The following FTL variants were observed in gnomAD, a reference collection of about 807,000 sequenced individuals.
The protein encoded by FTL is epididymis secretory sperm binding protein.
A neutral mutation model predicts 16.6 loss-of-function variants in FTL; 17 were observed. The ratio of observed to expected loss-of-function variants is 1.02; its 90% CI spans 0.70 to 1.53. The LOEUF (loss-of-function observed/expected upper bound fraction) is 1.53. Among genes scored for constraint, FTL ranks in the 40% most tolerant of loss-of-function variants. FTL has a pLI of 0.00. For missense variants in FTL, 186 were observed against 226.1 expected, an observed-to-expected ratio of 0.82 and a Z score of 1.14; for synonymous variants, 73 against 89.9, an observed-to-expected ratio of 0.81 and a Z score of 1.06.
chr19:48,966,296 G>A lies in FTL; in HGVS notation c.265G>A (p.Glu89Lys), dbSNP rs559631027. 1 of 1,614,054 alleles carries A rather than the reference G, an allele frequency of 6.2e-7. No homozygotes were observed. Among genetic ancestry groups the A allele is most frequent in the South Asian group, 1.1e-5 (1 of 91,062 alleles). Residue 89 changes from glutamate (E) to lysine (K), a missense_variant, in exon 3 of 4, where the codon GAG (glutamate) becomes AAG (lysine). Transcript: ENST00000331825. ...TTCTATATAGAAGCCAGCTGAAGAT[G>A]AGTGGGGTAAAACCCCAGACGCCAT... ...FQDIKKPAED[E>K]WGKTPDAMKA... is the part of the protein sequence containing the mutation.
chr19:48,966,072 G>C lies in FTL; in HGVS notation c.249+156G>C. ...TGGAAATAGAGGCGCACCTCGTGCAGTGCCCACAACACGCGGCAGTCCACA... is the reference window on the plus strand; with the variant it reads ...TGGAAATAGAGGCGCACCTCGTGCACTGCCCACAACACGCGGCAGTCCACA... On this transcript the variant is annotated intron_variant, in intron 2 of 3. Transcript: ENST00000331825. 7.4e-6 allele frequency: 9 copies of C among 1,208,866 alleles called. No individual in the cohort carries two copies. The South Asian group carries it at 1.1e-4, about 15-fold the overall frequency. 74.9% of individuals were successfully genotyped at this position (1,208,866 alleles called of 1,614,324 possible).
rs774704732 is a variant in FTL at position 48,965,374 on chromosome 19, ACT to A, written c.-129_-128del. The A allele has an allele frequency of 1.4e-6, 1 of 714,040 alleles. No homozygotes were observed. Among genetic ancestry groups the A allele is most frequent in the Non-Finnish European group, 2.5e-6 (1 of 394,130 alleles). The allele number at this position is 714,040 out of a possible 1,614,324, so 44.2% of individuals were successfully genotyped here. ...GTGTTTGGACGGAACAGATCCGGGG[ACT>A]CTCTTCCAGCCTCCGACCGCCCTCC... is the stretch of plus-strand genomic sequence containing the variant. On this transcript the variant is annotated 5_prime_UTR_variant, in exon 1 of 4. Transcript: ENST00000331825.
At chr19:48,966,006 T>G (rs1210586735) in intron 2 of FTL, 90 bp downstream of exon 2, 1 of 1,510,766 alleles carries the variant, frequency 6.6e-7, no homozygotes, top group Admixed American at 1.9e-5. Flanking sequence ...CGCGTGGGCT[T>G]CTGGGAGATT....
At chr19:48,965,983 A>G (rs1333953925) in intron 2 of FTL, 67 bp downstream of exon 2, 47 of 1,579,566 alleles carry the variant, frequency 3.0e-5, no homozygotes, top group Non-Finnish European at 4.1e-5. Flanking sequence ...CCTTGATTTG[A>G]GGGCGTAGGT....
At position 48,966,794 on chromosome 19, in the gene FTL, C is replaced by T. The variant is rs1412532063; in HGVS notation, c.*59C>T. The T allele has an allele frequency of 1.3e-6, 2 of 1,565,602 alleles. No individual in the cohort carries two copies. The highest frequency in any genetic ancestry group is 3.4e-5 in the Admixed American group (2 of 59,238). On this transcript the variant is annotated 3_prime_UTR_variant, in exon 4 of 4. Coordinates refer to ENST00000331825, the MANE Select transcript of FTL (RefSeq NM_000146.4). ...CCTTGCAAAGTAATAGGGCTTCTGC[C>T]TAAGCCTCTCCCTCCAGCCAATAGG...
At position 48,966,677 on chromosome 19, in the gene FTL, G is replaced by T. The variant is rs778872543; in HGVS notation, c.470G>T (p.Gly157Val). The T allele has an allele frequency of 3.7e-6, 6 of 1,613,864 alleles. No homozygotes were observed. The highest frequency in any genetic ancestry group is 8.5e-7 in the Non-Finnish European group (1 of 1,180,014). ...CTGACCAACCTCCACAGGCTGGGTGGCCCGGAGGCTGGGCTGGGCGAGTAT... is the reference window on the plus strand; with the variant it reads ...CTGACCAACCTCCACAGGCTGGGTGTCCCGGAGGCTGGGCTGGGCGAGTAT... The part of the protein sequence containing the change: ...DHLTNLHRLG[G>V]PEAGLGEYLF... Residue 157 changes from glycine (G) to valine (V), a missense_variant, in exon 4 of 4, where the codon GGC becomes GTC. Physicochemically the swap from Gly to Val is moderately radical, Grantham distance 109. Coordinates refer to ENST00000331825, the MANE Select transcript of FTL (RefSeq NM_000146.4).
intron 3 of FTL, 46 bp from the exon 4 acceptor site, chr19:48,966,535 CCT>C (rs538584117): frequency 6.6e-5 from 106 of 1,612,578 alleles, no homozygotes; most frequent in South Asian, 5.3e-4. Flanking sequence ...GCTCTCTCCC[CCT>C]CTTTTCCAGG....
chr19:48,966,416 C>T lies in FTL; in HGVS notation c.375+10C>T, dbSNP rs373135198. 5.0e-6 allele frequency: 8 copies of T among 1,613,968 alleles called. No homozygotes were observed. Among genetic ancestry groups the T allele is most frequent in the Middle Eastern group, 1.6e-4 (1 of 6,084 alleles). On this transcript the variant is annotated intron_variant, in intron 3 of 3. Transcript: ENST00000331825. Reference sequence around the variant, plus strand: ...CCGCACGGACCCCCATGTACGTACCCGCTGCATCCATGGCTACCCAACCAT... The same window carrying T: ...CCGCACGGACCCCCATGTACGTACCTGCTGCATCCATGGCTACCCAACCAT...
chr19:48,966,744 T>G lies in FTL; in HGVS notation c.*9T>G. 1 of 1,612,494 alleles carries G rather than the reference T, an allele frequency of 6.2e-7. No individual in the cohort carries two copies. Among genetic ancestry groups the G allele is most frequent in the Non-Finnish European group, 8.5e-7 (1 of 1,179,870 alleles). Reference sequence around the variant, plus strand: ...CTCTCAAGCACGACTAAGAGCCTTCTGAGCCCAGCGACTTCTGAAGGGCCC... The same window carrying G: ...CTCTCAAGCACGACTAAGAGCCTTCGGAGCCCAGCGACTTCTGAAGGGCCC... On this transcript the variant is annotated 3_prime_UTR_variant, in exon 4 of 4. Coordinates refer to ENST00000331825, the MANE Select transcript of FTL (RefSeq NM_000146.4).
In FTL at chr19:48,965,493, T is replaced by C; in HGVS notation, c.-15T>C. The C allele has an allele frequency of 6.3e-7, 1 of 1,597,342 alleles. No individual in the cohort carries two copies. The highest frequency in any genetic ancestry group is 1.1e-5 in the South Asian group (1 of 90,738). On this transcript the variant is annotated 5_prime_UTR_variant, in exon 1 of 4. Transcript: ENST00000331825. ...AGCACCGTTTTTGTGGTTAGCTCCTTCTTGCCAACCAACCATGAGCTCCCA... is the reference window on the plus strand; with the variant it reads ...AGCACCGTTTTTGTGGTTAGCTCCTCCTTGCCAACCAACCATGAGCTCCCA...
rs2038437682 is a variant in FTL, at chr19:48,965,311, A to G, written c.-197A>G. The G allele has an allele frequency of 1.6e-6, 1 of 610,612 alleles. No individual in the cohort carries two copies. 37.8% of individuals were successfully genotyped at this position (610,612 alleles called of 1,614,324 possible). A position where few individuals can be genotyped will look rare whatever the true frequency, so the allele number is the denominator to read the frequency against. Reference sequence around the variant, plus strand: ...AGCCGCCCTAGCCACGTCCCCTCGCAGTTCGGCGGTCCCGCGGGTCTGTCT... The same window carrying G: ...AGCCGCCCTAGCCACGTCCCCTCGCGGTTCGGCGGTCCCGCGGGTCTGTCT... On this transcript the variant is annotated 5_prime_UTR_variant, in exon 1 of 4. Coordinates refer to ENST00000331825, the MANE Select transcript of FTL (RefSeq NM_000146.4).
rs559383814 is a variant in FTL at position 48,965,901 on chromosome 19, C to T, written c.234C>T (p.Leu78=). 306 of 1,614,170 alleles carry T rather than the reference C, an allele frequency of 1.9e-4. 5 individuals carry two copies. The South Asian group carries it at 3.2e-3, about 17-fold the overall frequency. Residue 78 remains leucine (L), a synonymous_variant, in exon 2 of 4, where the codon CTC becomes CTT. Transcript: ENST00000331825. ...KMQNQRGGRA[L]FQDIKKPAED... ...AAAACCAGCGTGGCGGCCGCGCTCT[C>T]TTCCAGGACATCAAGGTAACTAGTG...
In FTL at chr19:48,965,911, A is replaced by G; in HGVS notation, c.244A>G (p.Ile82Val). The change falls in exon 2 of 4, where the codon ATC becomes GTC. Residue 82 changes from isoleucine to valine, a missense_variant. Coordinates refer to ENST00000331825, the MANE Select transcript of FTL (RefSeq NM_000146.4). ...QRGGRALFQD[I>V]KKPAEDEWGK... ...TGGCGGCCGCGCTCTCTTCCAGGAC[A>G]TCAAGGTAACTAGTGTGTGGGTAAT... 7 of 1,614,124 alleles carry G rather than the reference A, an allele frequency of 4.3e-6. No individual in the cohort carries two copies. The highest frequency in any genetic ancestry group is 5.9e-6 in the Non-Finnish European group (7 of 1,179,970).
In FTL at chr19:48,966,713, G is replaced by C. The variant is rs1313974438; in HGVS notation, c.506G>C (p.Arg169Thr). Residue 169 changes from arginine to threonine, a missense_variant, in exon 4 of 4, where the codon AGG (arginine) becomes ACG (threonine). Physicochemically the swap from Arg to Thr is moderately conservative, Grantham distance 71. Coordinates refer to ENST00000331825, the MANE Select transcript of FTL (RefSeq NM_000146.4). ...EAGLGEYLFE[R>T]LTLKHD ...GGGCTGGGCGAGTATCTCTTCGAAAGGCTCACTCTCAAGCACGACTAAGAG... is the reference window on the plus strand; with the variant it reads ...GGGCTGGGCGAGTATCTCTTCGAAACGCTCACTCTCAAGCACGACTAAGAG... The C allele has an allele frequency of 1.2e-6, 2 of 1,613,394 alleles. No homozygotes were observed. Among genetic ancestry groups the C allele is most frequent in the Non-Finnish European group, 8.5e-7 (1 of 1,179,976 alleles).
In FTL at chr19:48,966,625, A is replaced by G; in HGVS notation, c.418A>G (p.Lys140Glu). The change falls in exon 4 of 4, where the codon AAG (lysine) becomes GAG (glutamate). Residue 140 changes from lysine (K) to glutamate (E), a missense_variant. Coordinates refer to ENST00000331825, the MANE Select transcript of FTL (RefSeq NM_000146.4). ...LETHFLDEEV[K>E]LIKKMGDHLT... is the part of the protein sequence containing the mutation. Reference sequence around the variant, plus strand: ...GACTCACTTCCTAGATGAGGAAGTGAAGCTTATCAAGAAGATGGGTGACCA... The same window carrying G: ...GACTCACTTCCTAGATGAGGAAGTGGAGCTTATCAAGAAGATGGGTGACCA... 1 of 1,613,994 alleles carries G rather than the reference A, an allele frequency of 6.2e-7. No homozygotes were observed. The highest frequency in any genetic ancestry group is 1.7e-4 in the Middle Eastern group (1 of 6,036).
At chr19:48,965,655 A>G (rs762276136) in intron 1 of FTL, 46 bp downstream of exon 1, 2 of 1,601,342 alleles carry the variant, frequency 1.2e-6, no homozygotes, top group African/African-American at 1.3e-5. Flanking sequence ...CCAGCTGCGC[A>G]CCTCCGGCCC....
chr19:48,965,570 C>T lies in FTL; in HGVS notation c.63C>T (p.Val21=). The part of the protein sequence containing the change: ...TDVEAAVNSL[V]NLYLQASYTY... Reference sequence around the variant, plus strand: ...TGGAGGCAGCCGTCAACAGCCTGGTCAATTTGTACCTGCAGGCCTCCTACA... The same window carrying T: ...TGGAGGCAGCCGTCAACAGCCTGGTTAATTTGTACCTGCAGGCCTCCTACA... Residue 21 remains valine, a synonymous_variant, in exon 1 of 4, where the codon GTC becomes GTT. Coordinates refer to ENST00000331825, the MANE Select transcript of FTL (RefSeq NM_000146.4). The T allele has an allele frequency of 1.9e-6, 3 of 1,614,040 alleles. No individual in the cohort carries two copies. The highest frequency in any genetic ancestry group is 1.3e-5 in the African/African-American group (1 of 75,050).
Sources: allele counts gnomAD v4.1 joint callset, GRCh38; gene constraint gnomAD v4.1.1; transcripts MANE v1.5; gene names NCBI Gene and HGNC (gene_info 2026-07-23, HGNC 2026-07-21).